CD200R1: variants seen among roughly 807,000 people sequenced by gnomAD.
The protein encoded by CD200R1 is cell surface glycoprotein CD200 receptor 1.
In CD200R1, 30 loss-of-function variants were observed where a neutral mutation model predicts 38.1. The observed-to-expected ratio is 0.79, with a 90% CI of 0.59 to 1.07. The LOEUF (loss-of-function observed/expected upper bound fraction) is 1.07. CD200R1 is among the 50% of genes least tolerant of loss of function. CD200R1 has a pLI of 0.00. For missense variants in CD200R1, 372 were observed against 415.4 expected, an observed-to-expected ratio of 0.90 and a Z score of 0.91; for synonymous variants, 128 against 152.1, an observed-to-expected ratio of 0.84 and a Z score of 1.16.
At chr3:112,965,563 C>A (rs1178127577) in intron 1 of CD200R1, among the ~76,000 whole-genome samples, 2 of 152,134 alleles carry the variant, frequency 1.3e-5, no homozygotes, top group Non-Finnish European at 2.9e-5. Context: ...CAGATGGAGA[C>A]CATCCTGGAC....
At position 112,925,067 on chromosome 3, in the gene CD200R1, A is replaced by G. The variant is rs1331334467; in HGVS notation, c.878+18T>C. ...CCTAATAAAGCTGAAGAAGAAAAAA[A>G]CATTCATTAGTCAATACCTGCAGCC... On this transcript the variant is annotated intron_variant, in intron 6 of 7. Transcript: ENST00000308611. 17 of 1,423,456 alleles carry G rather than the reference A, an allele frequency of 1.2e-5. No homozygotes were observed. The highest frequency in any genetic ancestry group is 1.7e-5 in the Non-Finnish European group (17 of 1,008,684). 88.2% of individuals were successfully genotyped at this position (1,423,456 alleles called of 1,614,324 possible). A position where few individuals can be genotyped will look rare whatever the true frequency, so the allele number is the denominator to read the frequency against.
intron 1 of CD200R1, among the ~76,000 whole-genome samples, chr3:112,960,647 C>T (rs959195251): frequency 7.9e-5 from 12 of 151,778 alleles, no homozygotes; most frequent in African/African-American, 2.9e-4. Flanking sequence ...TCCACAAACA[C>T]ATGATAAAAT....
intron 2 of CD200R1, among the ~76,000 whole-genome samples, chr3:112,939,667 C>G (rs1940676486): frequency 6.6e-6 from 1 of 151,696 alleles, no homozygotes; most frequent in Non-Finnish European, 1.5e-5. Context: ...AAAGACATCC[C>G]ATATTCATGG....
chr3:112,961,502 G>A (rs1933018238), intron 1 of CD200R1, among the ~76,000 whole-genome samples: 1 of 151,928 alleles, frequency 6.6e-6, no homozygotes, highest in Non-Finnish European at 1.5e-5. Flanking sequence ...TTGTTTGCCA[G>A]ACTGAGAGGT....
intron 2 of CD200R1, among the ~76,000 whole-genome samples, chr3:112,946,417 C>T (rs1176804007): frequency 1.3e-5 from 2 of 151,976 alleles, no homozygotes; most frequent in African/African-American, 4.8e-5. Flanking sequence ...AAGACATATC[C>T]GATAAAAGAC....
intron 1 of CD200R1, among the ~76,000 whole-genome samples, chr3:112,962,177 T>G (rs1219737325): frequency 6.6e-6 from 1 of 152,196 alleles, no homozygotes; most frequent in Non-Finnish European, 1.5e-5. Context: ...GGGTTTTAAT[T>G]TTTGGTTTTG....
chr3:112,960,398 G>C (rs1435773135), intron 1 of CD200R1, among the ~76,000 whole-genome samples: 2 of 151,854 alleles, frequency 1.3e-5, no homozygotes, highest in Non-Finnish European at 2.9e-5. Context: ...GATTTGTTTT[G>C]TAAAATCATG....
intron 2 of CD200R1, among the ~76,000 whole-genome samples, chr3:112,937,382 G>T (rs1014306590): frequency 6.6e-6 from 1 of 152,128 alleles, no homozygotes; most frequent in East Asian, 1.9e-4. Context: ...CATATCAGAA[G>T]GGGTCCACTT....
At chr3:112,927,748 T>C (rs1164101618) in intron 5 of CD200R1, among the ~76,000 whole-genome samples, 1 of 151,896 alleles carries the variant, frequency 6.6e-6, no homozygotes, top group African/African-American at 2.4e-5. Flanking sequence ...TGAGAAAAAA[T>C]AGAACTAACA....
chr3:112,961,629 C>T (rs1336534168), intron 1 of CD200R1, among the ~76,000 whole-genome samples: 2 of 150,734 alleles, frequency 1.3e-5, no homozygotes, highest in African/African-American at 4.9e-5. Context: ...ACATGGAAAC[C>T]ATAAAGAAAA....
intron 1 of CD200R1, among the ~76,000 whole-genome samples, chr3:112,964,563 T>C (rs897912908): frequency 2.6e-5 from 4 of 152,244 alleles, no homozygotes; most frequent in Admixed American, 1.3e-4. Context: ...GACCAATTTC[T>C]CCCATTTGGA....
At chr3:112,941,263 CA>C (rs1940722522) in intron 2 of CD200R1, among the ~76,000 whole-genome samples, 1 of 151,492 alleles carries the variant, frequency 6.6e-6, no homozygotes, top group Admixed American at 6.6e-5. Flanking sequence ...CTATAGTTCA[CA>C]ATAATATATT....
intron 2 of CD200R1, among the ~76,000 whole-genome samples, chr3:112,941,140 A>G (rs942993669): frequency 1.7e-4 from 26 of 151,758 alleles, no homozygotes; most frequent in African/African-American, 6.0e-4. Context: ...ACAGGCTTCT[A>G]TAGACTACAA....
Position 112,943,840 on chromosome 3 carries a change from C to T in CD200R1, c.136+4016G>A, listed in dbSNP as rs564985584. ...AATACTATGAAGAATTCTATGCCCA[C>T]AAATTTGACAACACAGATGAAATAA... On this transcript the variant is annotated intron_variant, in intron 2 of 7. Coordinates refer to ENST00000308611, the MANE Select transcript of CD200R1 (RefSeq NM_138806.4). Among the ~76,000 whole-genome samples, 49 of 151,822 alleles carry T rather than the reference C, an allele frequency of 3.2e-4. No individual in the cohort carries two copies. In the South Asian group the frequency reaches 8.9e-3, roughly 28 times the overall value.
chr3:112,941,208 A>C (rs1220453331), intron 2 of CD200R1, among the ~76,000 whole-genome samples: 1 of 151,600 alleles, frequency 6.6e-6, no homozygotes, highest in African/African-American at 2.4e-5. Flanking sequence ...AATTATAGCT[A>C]GGTAGGATGA....
intron 1 of CD200R1, among the ~76,000 whole-genome samples, chr3:112,970,015 TA>T (rs1933261749): frequency 6.7e-6 from 1 of 149,612 alleles, no homozygotes; most frequent in Non-Finnish European, 1.5e-5. Context: ...CTACAAAAAA[TA>T]CAAAAAAAAA....
chr3:112,925,261 T>C, intron 5 of CD200R1, 68 bp from the exon 6 acceptor site: 2 of 762,822 alleles, frequency 2.6e-6, no homozygotes, highest in Non-Finnish European at 4.4e-6. Context: ...TATTATTCAA[T>C]GTTAAAAAGA....
chr3:112,974,810 C>A lies in CD200R1; in HGVS notation c.48G>T (p.Leu16Phe). 1.9e-6 allele frequency: 3 copies of A among 1,613,066 alleles called. No individual in the cohort carries two copies. The highest frequency in any genetic ancestry group is 2.5e-6 in the Non-Finnish European group (3 of 1,179,228). Residue 16 changes from leucine (L) to phenylalanine (F), a missense_variant, in exon 1 of 8, where the codon TTG (leucine) becomes TTT (phenylalanine). Coordinates refer to ENST00000308611, the MANE Select transcript of CD200R1 (RefSeq NM_138806.4). The stretch of plus-strand genomic sequence containing the variant: ...ACTTACCGGCCACTAAGAAGATAGT[C>A]AAAATCAACAGTAGCCCTAGGTTAG... ...RTANLGLLLI[L>F]TIFLVAEAEG...
At chr3:112,927,559 G>T (rs1398265735) in intron 5 of CD200R1, among the ~76,000 whole-genome samples, 5 of 152,100 alleles carry the variant, frequency 3.3e-5, no homozygotes, top group Admixed American at 2.6e-4. Context: ...ATATATGAAA[G>T]AAAGAGTTAA....
Sources: gnomAD v4.1 joint callset for allele counts (sites outside exome capture counted in the v4.1 genomes callset) on GRCh38, gnomAD v4.1.1 for gene constraint, MANE v1.5 for transcripts, NCBI Gene and HGNC (gene_info 2026-07-23, HGNC 2026-07-21) for gene names.